Variants in APBA1 observed in about 807,000 individuals in gnomAD.
APBA1 encodes the protein amyloid-beta A4 precursor protein-binding family A member 1.
Under a neutral mutation model 86.6 loss-of-function variants are expected in APBA1, and 55 were observed. The observed-to-expected ratio is 0.64, with a 90% CI of 0.51 to 0.80. APBA1 has a LOEUF of 0.80. Ranked by LOEUF, APBA1 falls within the 30% of genes least tolerant of loss-of-function variation. The pLI, the probability that APBA1 is intolerant of heterozygous loss-of-function variation, is 0.00. For missense variants in APBA1, 1,090 were observed against 1,183.0 expected (o/e 0.92, Z 1.15); for synonymous variants, 511 against 493.9 (o/e 1.03, Z -0.46).
At chr9:69,574,226 G>A (rs1315617340) in intron 1 of APBA1, among the ~76,000 whole-genome samples, 2 of 152,104 alleles carry the variant, frequency 1.3e-5, no homozygotes, top group Admixed American at 6.5e-5. Flanking sequence ...GGTCCATACC[G>A]CCCTGACGAG....
intron 9 of APBA1, among the ~76,000 whole-genome samples, chr9:69,450,480 AC>A (rs1834988233): frequency 6.6e-6 from 1 of 152,114 alleles, no homozygotes; most frequent in Non-Finnish European, 1.5e-5. Context: ...TCTTGGAAGC[AC>A]CCAACAGAGT....
chr9:69,672,462 G>A (rs1399498821), upstream of APBA1, among the ~76,000 whole-genome samples: 3 of 149,166 alleles, frequency 2.0e-5, no homozygotes, highest in Admixed American at 6.7e-5. Flanking sequence ...GGGCCTGCGA[G>A]GGAGGGCGCG....
At chr9:69,659,498 C>A (rs1300507203) in intron 1 of APBA1, among the ~76,000 whole-genome samples, 1 of 152,148 alleles carries the variant, frequency 6.6e-6, no homozygotes, top group Non-Finnish European at 1.5e-5. Context: ...CCATGCAGTC[C>A]TCTCTAAGCC....
intron 1 of APBA1, among the ~76,000 whole-genome samples, chr9:69,559,208 AT>A (rs1195355331): frequency 1.3e-5 from 2 of 152,208 alleles, no homozygotes; most frequent in Non-Finnish European, 2.9e-5. Context: ...AAAAGTCTTT[AT>A]TACAGTCTCC....
intron 2 of APBA1, among the ~76,000 whole-genome samples, chr9:69,501,629 AACACACACACACACACACAC>A (rs57033911): frequency 4.2e-5 from 6 of 142,188 alleles, no homozygotes; most frequent in East Asian, 4.2e-4. Flanking sequence ...GTCTCTACAA[AACACACACACACACACACAC>A]ACACACACAC....
intron 1 of APBA1, among the ~76,000 whole-genome samples, chr9:69,616,643 C>G (rs1050374820): frequency 5.3e-5 from 8 of 152,114 alleles, no homozygotes; most frequent in African/African-American, 1.7e-4. Context: ...GTAGACCTAT[C>G]CTGAAAAACA....
intron 10 of APBA1, among the ~76,000 whole-genome samples, chr9:69,445,138 A>C (rs1834886703): frequency 6.6e-6 from 1 of 152,022 alleles, no homozygotes; most frequent in Non-Finnish European, 1.5e-5. Flanking sequence ...CAAGAGAATG[A>C]CTCTATTTTC....
At chr9:69,542,749 C>G (rs147356044) in intron 1 of APBA1, among the ~76,000 whole-genome samples, 1 of 152,146 alleles carries the variant, frequency 6.6e-6, no homozygotes, top group Admixed American at 6.6e-5. Flanking sequence ...ATGTTTAATG[C>G]CCCCTTTTAT....
chr9:69,654,795 C>T (rs989304505), intron 1 of APBA1, among the ~76,000 whole-genome samples: 2 of 152,130 alleles, frequency 1.3e-5, no homozygotes, highest in Non-Finnish European at 2.9e-5. Context: ...AATATAGATG[C>T]AATAATCTTC....
At chr9:69,461,817 A>T (rs1377094428) in intron 5 of APBA1, 2 of 152,196 alleles carry the variant, frequency 1.3e-5, no homozygotes, top group African/African-American at 4.8e-5. Flanking sequence ...TGGGGTTAAC[A>T]ACACCTACCT....
chr9:69,617,008 A>C (rs1822714084), intron 1 of APBA1, among the ~76,000 whole-genome samples: 1 of 152,198 alleles, frequency 6.6e-6, no homozygotes, highest in Admixed American at 6.5e-5. Context: ...GCAACCTTGC[A>C]CAAGGGCCAT....
chr9:69,548,768 C>T (rs1328064472), intron 1 of APBA1, among the ~76,000 whole-genome samples: 2 of 152,234 alleles, frequency 1.3e-5, no homozygotes, highest in African/African-American at 4.8e-5. Flanking sequence ...GTTGGACATG[C>T]TCTAGATTGA....
intron 6 of APBA1, among the ~76,000 whole-genome samples, 188 bp downstream of exon 6, chr9:69,457,968 A>G (rs1215168274): frequency 6.6e-6 from 1 of 152,224 alleles, no homozygotes; most frequent in African/African-American, 2.4e-5. Flanking sequence ...ACTAATGAGC[A>G]ACAGAAAACG....
At chr9:69,436,946 T>G (rs147664584) in intron 11 of APBA1, among the ~76,000 whole-genome samples, 8,458 of 152,042 alleles carry the variant, frequency 0.056, 806 homozygotes, top group African/African-American at 0.19. Flanking sequence ...TTGAGATACA[T>G]CCCATCAATA....
chr9:69,655,924 A>G (rs1823599828), intron 1 of APBA1, among the ~76,000 whole-genome samples: 1 of 152,246 alleles, frequency 6.6e-6, no homozygotes, highest in Admixed American at 6.5e-5. Context: ...AAGAAATCAT[A>G]AAAGTTTCAG....
At chr9:69,627,719 TC>T (rs1407275608) in intron 1 of APBA1, among the ~76,000 whole-genome samples, 1 of 152,100 alleles carries the variant, frequency 6.6e-6, no homozygotes, top group Non-Finnish European at 1.5e-5. Flanking sequence ...AGGGACTCTC[TC>T]CCACACCTAA....
intron 11 of APBA1, among the ~76,000 whole-genome samples, chr9:69,436,391 T>C (rs554880867): frequency 0.056 from 8,440 of 151,786 alleles, 803 homozygotes; most frequent in African/African-American, 0.19. Context: ...TTTCATGATA[T>C]TGATTCTTCC....
chr9:69,452,128 A>G lies in APBA1; in HGVS notation c.1962T>C (p.Cys654=). 1.2e-6 allele frequency: 2 copies of G among 1,614,026 alleles called. No individual in the cohort carries two copies. The highest frequency in any genetic ancestry group is 1.7e-6 in the Non-Finnish European group (2 of 1,179,934). The change falls in exon 9 of 13, where the codon TGT becomes TGC. Residue 654 remains cysteine (C), a synonymous_variant. Coordinates refer to ENST00000265381, the MANE Select transcript of APBA1 (RefSeq NM_001163.4). The part of the protein sequence containing the change: ...DLIHFSKSEN[C]KDVFIEKQKG... ...GCTTCAGGTAAGTACCCACATCTTT[A>G]CAGTTTTCCGACTTGGAGAAGTGGA... is the stretch of plus-strand genomic sequence containing the variant.
intron 1 of APBA1, among the ~76,000 whole-genome samples, chr9:69,565,807 CCT>C (rs1211384211): frequency 3.3e-5 from 5 of 152,330 alleles, no homozygotes; most frequent in South Asian, 2.1e-4. Flanking sequence ...GTTCTCCTCC[CCT>C]GTCTTTGCTT....
Sources: gnomAD v4.1 joint callset for allele counts (sites outside exome capture counted in the v4.1 genomes callset) on GRCh38, gnomAD v4.1.1 for gene constraint, MANE v1.5 for transcripts, NCBI Gene and HGNC (gene_info 2026-07-23, HGNC 2026-07-21) for gene names.